The following STK32B variants were observed in gnomAD, a reference collection of about 807,000 sequenced individuals.
The protein encoded by STK32B is serine/threonine-protein kinase 32B.
In STK32B, 43 loss-of-function variants were observed where a neutral mutation model predicts 52.6. That is an observed-to-expected ratio of 0.82 (90% CI 0.64 to 1.05). The LOEUF (loss-of-function observed/expected upper bound fraction) is 1.05. Among genes scored for constraint, STK32B ranks in the 50% least tolerant of loss-of-function variants. The probability of loss-of-function intolerance (pLI) is 0.00; values close to 1 mark genes in which losing one functional copy is unlikely to be tolerated. For synonymous variants in STK32B, 238 were observed against 204.3 expected (o/e 1.17, Z -1.41); for missense variants, 621 against 534.6 (o/e 1.16, Z -1.59).
chr4:5,485,522 A>T (rs574888393), intron 11 of STK32B, among the ~76,000 whole-genome samples: 2 of 152,158 alleles, frequency 1.3e-5, no homozygotes, highest in East Asian at 1.9e-4. Context: ...CTTCTTTGCC[A>T]TGGGCTCAAA....
intron 1 of STK32B, among the ~76,000 whole-genome samples, chr4:5,086,886 A>G (rs182468678): frequency 6.6e-6 from 1 of 152,356 alleles, no homozygotes; most frequent in Admixed American, 6.5e-5. Context: ...TTTCCAGATA[A>G]ACAAAAATTG....
At chr4:5,291,102 A>G (rs552720840) in intron 3 of STK32B, among the ~76,000 whole-genome samples, 2 of 152,216 alleles carry the variant, frequency 1.3e-5, no homozygotes, top group South Asian at 4.2e-4. Flanking sequence ...TAACATTGTA[A>G]TAAGTTTGAA....
chr4:5,228,016 G>A (rs1723990187), intron 3 of STK32B, among the ~76,000 whole-genome samples: 1 of 152,152 alleles, frequency 6.6e-6, no homozygotes, highest in East Asian at 1.9e-4. Context: ...CAGTATCTGG[G>A]AGAACATTTG....
chr4:5,442,852 C>T (rs1714928659), intron 6 of STK32B, among the ~76,000 whole-genome samples: 3 of 152,280 alleles, frequency 2.0e-5, no homozygotes, highest in Admixed American at 1.3e-4. Flanking sequence ...TTTATTTCTC[C>T]TTCACTGATG....
intron 3 of STK32B, among the ~76,000 whole-genome samples, chr4:5,247,212 C>G (rs544027448): frequency 1.3e-5 from 2 of 152,164 alleles, no homozygotes; most frequent in African/African-American, 4.8e-5. Context: ...GAGCTGTGGT[C>G]GGCTCCACCC....
intron 5 of STK32B, among the ~76,000 whole-genome samples, chr4:5,411,935 C>T (rs937351421): frequency 1.6e-4 from 25 of 152,038 alleles, no homozygotes; most frequent in Admixed American, 1.4e-3. Context: ...GAAGTATGAG[C>T]GCAAAAACTA....
intron 3 of STK32B, among the ~76,000 whole-genome samples, chr4:5,228,504 G>A (rs1025816877): frequency 6.6e-6 from 1 of 152,116 alleles, no homozygotes; most frequent in African/African-American, 2.4e-5. Flanking sequence ...TTCATTTATA[G>A]TTTGAAAAGC....
rs1272767116 is a variant in STK32B, at chr4:5,499,926, T to C, written c.*843T>C. Reference sequence around the variant, plus strand: ...TGCAGCAGAACTCTCCAACTCTCTATCAGCTTTCAGGGTTTTCTCTCCTGG... The same window carrying C: ...TGCAGCAGAACTCTCCAACTCTCTACCAGCTTTCAGGGTTTTCTCTCCTGG... On this transcript the variant is annotated 3_prime_UTR_variant, in exon 12 of 12. Transcript: ENST00000282908. 1 of 152,290 alleles carries C rather than the reference T, an allele frequency of 6.6e-6. No individual in the cohort carries two copies. The highest frequency in any genetic ancestry group is 1.5e-5 in the Non-Finnish European group (1 of 68,108). The allele number at this position is 152,290 out of a possible 1,614,324, so 9.4% of individuals were successfully genotyped here.
intron 1 of STK32B, among the ~76,000 whole-genome samples, chr4:5,088,551 C>T (rs1426325757): frequency 6.6e-6 from 1 of 151,878 alleles, no homozygotes; most frequent in Non-Finnish European, 1.5e-5. Context: ...TTTGATCGTA[C>T]AATAGGATGA....
Position 5,162,432 on chromosome 4 carries a change from G to A in STK32B, c.109-5867G>A, listed in dbSNP as rs57344825. On this transcript the variant is annotated intron_variant, in intron 2 of 11. Transcript: ENST00000282908. ...GTAAAGTCAGGACTGTGACCACCGC[G>A]TGCAGGTGTGTTGCAGGTTCTCAGT... Among the ~76,000 whole-genome samples the A allele has an allele frequency of 3.5e-3, 537 of 152,282 alleles. 5 individuals carry two copies. Among genetic ancestry groups the A allele is most frequent in the African/African-American group, 8.2e-3 (342 of 41,554 alleles).
At chr4:5,451,871 C>T (rs1334857927) in intron 7 of STK32B, among the ~76,000 whole-genome samples, 2 of 152,146 alleles carry the variant, frequency 1.3e-5, no homozygotes, top group Non-Finnish European at 2.9e-5. Flanking sequence ...GCAGGTGAGG[C>T]CATTAGCACA....
At chr4:5,223,746 G>A (rs1025477551) in intron 3 of STK32B, among the ~76,000 whole-genome samples, 5 of 151,294 alleles carry the variant, frequency 3.3e-5, no homozygotes, top group Non-Finnish European at 5.9e-5. Context: ...GAACCTGGGA[G>A]GCAGAGCTTG....
chr4:5,239,135 G>A (rs936770121), intron 3 of STK32B, among the ~76,000 whole-genome samples: 3 of 152,162 alleles, frequency 2.0e-5, no homozygotes, highest in Non-Finnish European at 4.4e-5. Flanking sequence ...GAAGGCTGGT[G>A]TTACCGGAGC....
At chr4:5,213,631 C>A (rs946082641) in intron 3 of STK32B, among the ~76,000 whole-genome samples, 1 of 152,210 alleles carries the variant, frequency 6.6e-6, no homozygotes, top group Non-Finnish European at 1.5e-5. Context: ...AACTTTTTCC[C>A]CTTTAGTAAA....
intron 1 of STK32B, among the ~76,000 whole-genome samples, chr4:5,097,808 A>G (rs1412266067): frequency 6.6e-6 from 1 of 152,256 alleles, no homozygotes; most frequent in East Asian, 1.9e-4. Flanking sequence ...CTATTGCTGC[A>G]TAACAAATTG....
intron 6 of STK32B, among the ~76,000 whole-genome samples, chr4:5,419,262 G>A (rs951535628): frequency 3.9e-5 from 6 of 152,286 alleles, no homozygotes; most frequent in Admixed American, 3.3e-4. Context: ...CAAAATCTAA[G>A]GCAGCTTGCT....
intron 3 of STK32B, among the ~76,000 whole-genome samples, chr4:5,187,906 GAGGA>G (rs1720870511): frequency 2.0e-5 from 3 of 152,168 alleles, no homozygotes; most frequent in Admixed American, 2.0e-4. Context: ...CTCTGAGGGA[GAGGA>G]AGGAAGCGTG....
intron 3 of STK32B, among the ~76,000 whole-genome samples, chr4:5,283,438 C>T (rs1728339194): frequency 6.6e-6 from 1 of 151,902 alleles, no homozygotes; most frequent in African/African-American, 2.4e-5. Context: ...AATAATGGCC[C>T]CATATTTCCC....
chr4:5,117,614 A>G (rs1714803903), intron 1 of STK32B, among the ~76,000 whole-genome samples: 1 of 152,020 alleles, frequency 6.6e-6, no homozygotes, highest in South Asian at 2.1e-4. Context: ...AGTTCTTATA[A>G]TTGGTTTCTA....
Sources: allele counts gnomAD v4.1 joint callset (sites outside exome capture counted in the v4.1 genomes callset), GRCh38; gene constraint gnomAD v4.1.1; transcripts MANE v1.5; gene names NCBI Gene and HGNC (gene_info 2026-07-23, HGNC 2026-07-21).